The following ITGAD variants were observed in gnomAD, a reference collection of about 807,000 sequenced individuals.
ITGAD encodes integrin subunit alpha D.
In ITGAD, 105 loss-of-function variants were observed where a neutral mutation model predicts 139.0. The observed-to-expected ratio is 0.76, with a 90% CI of 0.65 to 0.89. The LOEUF (loss-of-function observed/expected upper bound fraction) is 0.89, where lower values mean the gene tolerates loss of function less well. ITGAD is among the 40% of genes least tolerant of loss of function. The pLI, the probability that ITGAD is intolerant of heterozygous loss-of-function variation, is 0.00. For synonymous variants in ITGAD, 569 were observed against 598.3 expected (o/e 0.95, Z 0.71); for missense variants, 1,384 against 1,487.3 (o/e 0.93, Z 1.14).
At chr16:31,405,674 A>C in intron 7 of ITGAD, among the ~76,000 whole-genome samples, 3 of 122,180 alleles carry the variant, frequency 2.5e-5, no homozygotes, top group South Asian at 2.4e-4. Context: ...GACAGGTCTC[A>C]CTCTGTCTCC....
intron 29 of ITGAD, among the ~76,000 whole-genome samples, chr16:31,425,701 T>A (rs1342317108): frequency 6.6e-6 from 1 of 151,492 alleles, no homozygotes; most frequent in Non-Finnish European, 1.5e-5. Context: ...TTTTTTTTTT[T>A]ACATGGAGTC....
chr16:31,415,904 C>T (rs2142800487), intron 18 of ITGAD, among the ~76,000 whole-genome samples: 1 of 152,326 alleles, frequency 6.6e-6, no homozygotes, highest in South Asian at 2.1e-4. Context: ...GTCATTTCCA[C>T]CTTCCCCCAG....
chr16:31,394,149 AAG>A, intron 1 of ITGAD, 85 bp from the exon 2 acceptor site: 1 of 776,080 alleles, frequency 1.3e-6, no homozygotes, highest in Non-Finnish European at 2.0e-6. Context: ...AAAAAAAAAA[AAG>A]AAAAAAAAGA....
At chr16:31,414,196 C>T (rs1202909878) in intron 16 of ITGAD, among the ~76,000 whole-genome samples, 1 of 152,046 alleles carries the variant, frequency 6.6e-6, no homozygotes, top group Non-Finnish European at 1.5e-5. Flanking sequence ...TATCATCTGT[C>T]TATCTAATCT....
intron 14 of ITGAD, among the ~76,000 whole-genome samples, 170 bp downstream of exon 14, chr16:31,411,687 T>C (rs2081721259): frequency 6.6e-6 from 1 of 152,230 alleles, no homozygotes; most frequent in African/African-American, 2.4e-5. Context: ...TCCATCTGTG[T>C]GGGCAGCTTA....
Position 31,397,596 on chromosome 16 carries a change from T to A in ITGAD, c.242T>A (p.Ile81Asn), listed in dbSNP as rs961456140. Reference sequence around the variant, plus strand: ...AGACCCCGCGTGTCTGCCCTTGCAGTCCGCCCTGAGGCCGTGAACATGTCC... The same window carrying A: ...AGACCCCGCGTGTCTGCCCTTGCAGACCGCCCTGAGGCCGTGAACATGTCC... ...TGMCQPIPLH[I>N]RPEAVNMSLG... is the part of the protein sequence containing the mutation. The change falls in exon 4 of 30, where the codon ATC (isoleucine) becomes AAC (asparagine). Residue 81 changes from isoleucine (I) to asparagine (N), a missense_variant and splice_region_variant. Ile to Asn is a moderately radical substitution (Grantham distance 149, BLOSUM62 -3). Coordinates refer to ENST00000389202, the MANE Select transcript of ITGAD (RefSeq NM_005353.3). The A allele has an allele frequency of 2.5e-5, 40 of 1,600,994 alleles. No homozygotes were observed. The highest frequency in any genetic ancestry group is 2.9e-5 in the Non-Finnish European group (34 of 1,177,858).
chr16:31,418,559 C>T lies in ITGAD; in HGVS notation c.2775C>T (p.Ile925=), dbSNP rs1319762750. ...LPVKYAVYTM[I]SRQEESTKYF... ...TGAAGTATGCAGTCTACACCATGAT[C>T]AGCAGGTGCCCAGTCCCTGGCCTTC... The change falls in exon 23 of 30, where the codon ATC becomes ATT. Residue 925 remains isoleucine, a synonymous_variant. Coordinates refer to ENST00000389202, the MANE Select transcript of ITGAD (RefSeq NM_005353.3). 3.1e-6 allele frequency: 5 copies of T among 1,613,736 alleles called. No individual in the cohort carries two copies. Among genetic ancestry groups the T allele is most frequent in the African/African-American group, 2.7e-5 (2 of 75,052 alleles).
At chr16:31,405,780 A>C (rs1385578718) in intron 7 of ITGAD, among the ~76,000 whole-genome samples, 1 of 150,858 alleles carries the variant, frequency 6.6e-6, no homozygotes, top group Non-Finnish European at 1.5e-5. Context: ...TTGGGATCAC[A>C]GGTGCATGCC....
intron 23 of ITGAD, 21 bp downstream of exon 23, chr16:31,418,585 C>T: frequency 6.3e-7 from 1 of 1,589,230 alleles, no homozygotes; most frequent in Non-Finnish European, 8.6e-7. Flanking sequence ...CCTGGCCTTC[C>T]CCTTGGACCT....
chr16:31,417,951 A>G, intron 20 of ITGAD, 124 bp from the exon 21 acceptor site: 1 of 806,774 alleles, frequency 1.2e-6, no homozygotes, highest in Non-Finnish European at 2.0e-6. Flanking sequence ...CGTCTCAAAA[A>G]AAAACAACAA....
Position 31,414,995 on chromosome 16 carries a change from A to G in ITGAD, c.2283+4A>G. The stretch of plus-strand genomic sequence containing the variant: ...ACAAGACCTCTTCACTGCTTCTGTG[A>G]GTCTTCTGATGAAGTCCCAGGGATG... On this transcript the variant is annotated splice_donor_region_variant and intron_variant, in intron 18 of 29. Transcript: ENST00000389202. 6.2e-7 allele frequency: 1 copy of G among 1,613,826 alleles called. No individual in the cohort carries two copies. Among genetic ancestry groups the G allele is most frequent in the Non-Finnish European group, 8.5e-7 (1 of 1,179,912 alleles).
chr16:31,415,001 CTGA>C lies in ITGAD; in HGVS notation c.2283+14_2283+16del. Reference sequence around the variant, plus strand: ...CCTCTTCACTGCTTCTGTGAGTCTTCTGATGAAGTCCCAGGGATGTGCTGACTT... The same window carrying C: ...CCTCTTCACTGCTTCTGTGAGTCTTCTGAAGTCCCAGGGATGTGCTGACTT... On this transcript the variant is annotated intron_variant, in intron 18 of 29. Transcript: ENST00000389202. 6.2e-7 allele frequency: 1 copy of C among 1,613,848 alleles called. No homozygotes were observed. The highest frequency in any genetic ancestry group is 8.5e-7 in the Non-Finnish European group (1 of 1,179,916).
rs772557374 is a variant in ITGAD, at chr16:31,411,123, C to T, written c.1404C>T (p.Ser468=). 6.8e-6 allele frequency: 11 copies of T among 1,613,206 alleles called. No individual in the cohort carries two copies. In the East Asian group the frequency reaches 8.9e-5, roughly 13 times the overall value. The change falls in exon 13 of 30, where the codon AGC becomes AGT. Residue 468 remains serine (S), a synonymous_variant. Coordinates refer to ENST00000389202, the MANE Select transcript of ITGAD (RefSeq NM_005353.3). ...GASLCSVDVD[S]DGSTDLILIG... ...CCCTCTGCTCTGTGGATGTGGACAG[C>T]GATGGCAGCACCGACCTGATCCTCA...
Position 31,416,543 on chromosome 16 carries a change from A to G in ITGAD, c.2396A>G (p.Asn799Ser), listed in dbSNP as rs2081890646. The change falls in exon 20 of 30, where the codon AAC becomes AGC. Residue 799 changes from asparagine (N) to serine (S), a missense_variant. Asn to Ser is a conservative substitution (Grantham distance 46). Transcript: ENST00000389202. ...TLTVGSSLEL[N>S]VIVTVWNAGE... Reference sequence around the variant, plus strand: ...ACCGTGGGGAGCTCCCTGGAGCTCAACGTGATTGTGACTGTGTGGAACGCA... The same window carrying G: ...ACCGTGGGGAGCTCCCTGGAGCTCAGCGTGATTGTGACTGTGTGGAACGCA... 2 of 1,613,606 alleles carry G rather than the reference A, an allele frequency of 1.2e-6. No homozygotes were observed. Among genetic ancestry groups the G allele is most frequent in the African/African-American group, 1.3e-5 (1 of 74,916 alleles).
In ITGAD at chr16:31,397,865, G is replaced by A. The variant is rs1462378419; in HGVS notation, c.383G>A (p.Gly128Asp). The A allele has an allele frequency of 1.2e-6, 2 of 1,613,572 alleles. No individual in the cohort carries two copies. The highest frequency in any genetic ancestry group is 1.7e-6 in the Non-Finnish European group (2 of 1,179,970). Residue 128 changes from glycine to aspartate, a missense_variant, in exon 5 of 30, where the codon GGC becomes GAC. Physicochemically the swap from Gly to Asp is moderately conservative, Grantham distance 94. Coordinates refer to ENST00000389202, the MANE Select transcript of ITGAD (RefSeq NM_005353.3). The stretch of plus-strand genomic sequence containing the variant: ...TCAAAGGGTTCCTGCCTCCTGCTGG[G>A]CTCGCGCTGGGAGATCATCCAGACA... The part of the protein sequence containing the change: ...SYSKGSCLLL[G>D]SRWEIIQTVP...
chr16:31,423,744 T>C, intron 26 of ITGAD, 96 bp downstream of exon 26: 1 of 1,518,004 alleles, frequency 6.6e-7, no homozygotes, highest in Middle Eastern at 1.9e-4. Flanking sequence ...GCATGTCCTG[T>C]AACTGCTCAT....
At chr16:31,398,427 CAAA>C (rs941556814) in intron 5 of ITGAD, among the ~76,000 whole-genome samples, 3 of 73,304 alleles carry the variant, frequency 4.1e-5, no homozygotes, top group Non-Finnish European at 5.9e-5. Flanking sequence ...AACTCCATCT[CAAA>C]AAAAAAAAAA....
At chr16:31,396,368 G>A (rs1448977682) in intron 2 of ITGAD, among the ~76,000 whole-genome samples, 1 of 152,214 alleles carries the variant, frequency 6.6e-6, no homozygotes, top group Non-Finnish European at 1.5e-5. Flanking sequence ...AGCTAGCTGG[G>A]TGACTGAAAT....
At position 31,414,472 on chromosome 16, in the gene ITGAD, G is replaced by A. The variant is rs1336390253; in HGVS notation, c.2018G>A (p.Arg673Lys). Residue 673 changes from arginine to lysine, a missense_variant, in exon 17 of 30, where the codon AGG becomes AAG. By Grantham distance (26) the Arg-to-Lys change is conservative. Coordinates refer to ENST00000389202, the MANE Select transcript of ITGAD (RefSeq NM_005353.3). ...TCAGGTGACATCCAAAGCTCTGTCA[G>A]GTTTGATCTGGCACTGGACCCAGGT... ...DQLGDIQSSV[R>K]FDLALDPGRL... 1.2e-6 allele frequency: 2 copies of A among 1,614,110 alleles called. No individual in the cohort carries two copies. Among genetic ancestry groups the A allele is most frequent in the East Asian group, 2.2e-5 (1 of 44,898 alleles).
Sources: allele counts gnomAD v4.1 joint callset (sites outside exome capture counted in the v4.1 genomes callset), GRCh38; gene constraint gnomAD v4.1.1; transcripts MANE v1.5; gene names NCBI Gene and HGNC (gene_info 2026-07-23, HGNC 2026-07-21).